Variants in MAST3 observed in about 807,000 individuals in gnomAD.
The protein encoded by MAST3 is microtubule-associated serine/threonine-protein kinase 3.
MAST3 carries 43 observed loss-of-function variants against 127.0 expected under a neutral mutation model. That is an observed-to-expected ratio of 0.34 (90% confidence interval 0.27 to 0.44). The LOEUF (loss-of-function observed/expected upper bound fraction) is 0.44. MAST3 is among the 20% of genes least tolerant of loss of function. MAST3 has a pLI of 1.00. For missense variants in MAST3, 1,390 were observed against 1,919.1 expected (o/e 0.72, Z 5.15); for synonymous variants, 785 against 809.2 (o/e 0.97, Z 0.51).
chr19:18,124,611 C>T, intron 10 of MAST3, 31 bp from the exon 11 acceptor site: 2 of 1,536,964 alleles, frequency 1.3e-6, no homozygotes, highest in Non-Finnish European at 1.8e-6. Flanking sequence ...TGGAACCAAG[C>T]CCTGGGTGAC....
chr19:18,124,854 C>G lies in MAST3; in HGVS notation c.1078+80C>G, dbSNP rs273487. On this transcript the variant is annotated intron_variant, in intron 11 of 27. Coordinates refer to ENST00000687212, the MANE Select transcript of MAST3 (RefSeq NM_001393504.1). ...GGCACGGTGGCTCACACCTTTAATA[C>G]CAGCACTTTGGGAAGCTAAGGCGGG... The G allele has an allele frequency of 0.015, 22,961 of 1,482,512 alleles. 2,762 individuals carry two copies. The African/African-American group carries it at 0.27, about 18-fold the overall frequency. 91.8% of individuals were successfully genotyped at this position (1,482,512 alleles called of 1,614,324 possible).
chr19:18,149,583 T>C lies in MAST3; in HGVS notation c.3901T>C (p.Phe1301Leu). 1 of 1,608,564 alleles carries C rather than the reference T, an allele frequency of 6.2e-7. No homozygotes were observed. The highest frequency in any genetic ancestry group is 8.5e-7 in the Non-Finnish European group (1 of 1,178,074). ...GCACCTGTCCGAGCGCCGAGACTCCTTCAAGAAGCAGGAGGCCGTGCAGGA... is the reference window on the plus strand; with the variant it reads ...GCACCTGTCCGAGCGCCGAGACTCCCTCAAGAAGCAGGAGGCCGTGCAGGA... ...RLHLSERRDS[F>L]KKQEAVQEVS... The change falls in exon 28 of 28, where the codon TTC (phenylalanine) becomes CTC (leucine). Residue 1301 changes from phenylalanine to leucine, a missense_variant. By Grantham distance (22) the Phe-to-Leu change is conservative. Around this residue, in one of 5 missense-constraint regions of MAST3, gnomAD observed 816 missense variants for 934.1 expected, o/e 0.87. Coordinates refer to ENST00000687212, the MANE Select transcript of MAST3 (RefSeq NM_001393504.1). This position sits in a 1 kb window ranked among gnomAD's most constrained non-coding sequence, Gnocchi z 5.9.
intron 15 of MAST3, among the ~76,000 whole-genome samples, chr19:18,133,416 G>A (rs1237869377): frequency 6.6e-6 from 1 of 152,094 alleles, no homozygotes; most frequent in Admixed American, 6.6e-5. Context: ...GACAGTCTTT[G>A]TCGCCCGGGC....
In MAST3 at chr19:18,143,898, G is replaced by C. The variant is rs757581883; in HGVS notation, c.2475G>C (p.Glu825Asp). ...MPKFAFSSEDEGVGPGPAGPK... is the reference protein window; with the variant it reads ...MPKFAFSSEDDGVGPGPAGPK... ...AGTTTGCCTTCTCATCAGAGGATGA[G>C]GGGGTAGGCCCAGGCCCTGCAGGCC... Residue 825 changes from glutamate to aspartate, a missense_variant, in exon 22 of 28, where the codon GAG becomes GAC. Coordinates refer to ENST00000687212, the MANE Select transcript of MAST3 (RefSeq NM_001393504.1). 2.5e-6 allele frequency: 4 copies of C among 1,613,720 alleles called. No individual in the cohort carries two copies. The African/African-American group carries it at 5.3e-5, about 22-fold the overall frequency.
chr19:18,116,506 G>T (rs1406380805), intron 3 of MAST3, among the ~76,000 whole-genome samples: 1 of 149,796 alleles, frequency 6.7e-6, no homozygotes, highest in Non-Finnish European at 1.5e-5. Context: ...TGTTGGCCAG[G>T]CTGGTCTCAA....
rs1005273655 is a variant in MAST3, at chr19:18,129,244, G to A, written c.1223+293G>A. ...GATGCCCACCCAGTGGGAGTAGCAC[G>A]CAGTGAGCTTTATTTAGGTGCTGCT... On this transcript the variant is annotated intron_variant, in intron 13 of 27. Coordinates refer to ENST00000687212, the MANE Select transcript of MAST3 (RefSeq NM_001393504.1). 1.7e-4 allele frequency: 72 copies of A among 421,362 alleles called. No homozygotes were observed. In the East Asian group the frequency reaches 2.8e-3, roughly 16 times the overall value. 26.1% of individuals were successfully genotyped at this position (421,362 alleles called of 1,614,324 possible).
At position 18,128,420 on chromosome 19, in the gene MAST3, C is replaced by T. The variant is rs1251194815; in HGVS notation, c.1099C>T (p.Leu367Phe). The T allele has an allele frequency of 6.4e-7, 1 of 1,555,686 alleles. No homozygotes were observed. ...TGCAGAGATGGTGCCACTGAGTCAC[C>T]TCGAAGAAGAACAGCCCCCAGCACC... ...PLEEMVPLSHLEEEQPPAPES... is the reference protein window; with the variant it reads ...PLEEMVPLSHFEEEQPPAPES... Residue 367 changes from leucine (L) to phenylalanine (F), a missense_variant, in exon 12 of 28, where the codon CTC becomes TTC. Leu to Phe is a conservative substitution (Grantham distance 22). Around this residue, in one of 5 missense-constraint regions of MAST3, gnomAD observed 277 missense variants for 384.8 expected, o/e 0.72. Transcript: ENST00000687212.
chr19:18,114,338 C>G (rs747597201), intron 3 of MAST3, among the ~76,000 whole-genome samples: 2 of 151,848 alleles, frequency 1.3e-5, no homozygotes, highest in Non-Finnish European at 2.9e-5. Flanking sequence ...TACAGACATG[C>G]GCCACCACGC....
Position 18,137,223 on chromosome 19 carries a change from C to T in MAST3, c.1973-16C>T, listed in dbSNP as rs368254046. 311 of 1,604,160 alleles carry T rather than the reference C, an allele frequency of 1.9e-4. No homozygotes were observed. Among genetic ancestry groups the T allele is most frequent in the Non-Finnish European group, 1.7e-4 (205 of 1,174,612 alleles). ...TGAGGTGAGGACCTGCAGGGCTCAG[C>T]GGGGCATATCTGCAGGTGGCACCCA... On this transcript the variant is annotated splice_polypyrimidine_tract_variant and intron_variant, in intron 18 of 27. Coordinates refer to ENST00000687212, the MANE Select transcript of MAST3 (RefSeq NM_001393504.1).
At chr19:18,140,216 C>A (rs1475678878) in intron 20 of MAST3, among the ~76,000 whole-genome samples, 3 of 111,312 alleles carry the variant, frequency 2.7e-5, no homozygotes, top group African/African-American at 1.1e-4. Context: ...CCTGTCTCTA[C>A]TAAAAATACA....
rs766160703 is a variant in MAST3 at position 18,147,578 on chromosome 19, C to G, written c.3462C>G (p.Pro1154=). 4 of 1,577,420 alleles carry G rather than the reference C, an allele frequency of 2.5e-6. No individual in the cohort carries two copies. Among genetic ancestry groups the G allele is most frequent in the East Asian group, 2.4e-5 (1 of 42,408 alleles). The change falls in exon 27 of 28, where the codon CCC becomes CCG. Residue 1154 remains proline (P), a synonymous_variant. Coordinates refer to ENST00000687212, the MANE Select transcript of MAST3 (RefSeq NM_001393504.1). ...GCTCGCCCACCCACAGCCTCTCCCC[C>G]AGCCCCACCACTCCCTGCCGAAGCC... The part of the protein sequence containing the change: ...LPGSPTHSLS[P]SPTTPCRSPA...
rs777488289 is a variant in MAST3, at chr19:18,123,383, C to A, written c.557+9C>A. On this transcript the variant is annotated intron_variant, in intron 7 of 27. Transcript: ENST00000687212. Reference sequence around the variant, plus strand: ...CGCTCTCGCAGTCTCAGGTGGGCCGCGACCTCTGGCCCCAGCCCCGGCCCC... The same window carrying A: ...CGCTCTCGCAGTCTCAGGTGGGCCGAGACCTCTGGCCCCAGCCCCGGCCCC... 1 of 1,606,666 alleles carries A rather than the reference C, an allele frequency of 6.2e-7. No homozygotes were observed. Among genetic ancestry groups the A allele is most frequent in the African/African-American group, 1.3e-5 (1 of 74,996 alleles).
rs897143857 is a variant in MAST3 at position 18,139,094 on chromosome 19, G to T, written c.2175G>T (p.Gln725His). Residue 725 changes from glutamine to histidine, a missense_variant, in exon 20 of 28, where the codon CAG (glutamine) becomes CAT (histidine). Coordinates refer to ENST00000687212, the MANE Select transcript of MAST3 (RefSeq NM_001393504.1). ...AAGAATCGTCCACAGAGATCCCCCA[G>T]TTCTCCTCCTGCTCCCACCGGTTCA... ...NDEESSTEIP[Q>H]FSSCSHRFSK... The T allele has an allele frequency of 1.2e-6, 2 of 1,603,830 alleles. No individual in the cohort carries two copies. Among genetic ancestry groups the T allele is most frequent in the Non-Finnish European group, 1.7e-6 (2 of 1,175,534 alleles).
At chr19:18,116,585 A>G (rs1346404934) in intron 3 of MAST3, among the ~76,000 whole-genome samples, 1 of 138,216 alleles carries the variant, frequency 7.2e-6, no homozygotes, top group East Asian at 2.7e-4. Context: ...GTGAGCCACC[A>G]CGCCCAGCCG....
At chr19:18,101,019 T>C (rs2037561931) in intron 1 of MAST3, among the ~76,000 whole-genome samples, 1 of 152,220 alleles carries the variant, frequency 6.6e-6, no homozygotes, top group African/African-American at 2.4e-5. Context: ...GCGACAGCCC[T>C]GGGTCCAGGG....
At position 18,134,806 on chromosome 19, in the gene MAST3, C is replaced by T; in HGVS notation, c.1705-11C>T. ...GGGCTGGCCTCAGTTTCCCCGTTCT[C>T]CCTGGCCCAGGTGTGTGGGACGCCG... On this transcript the variant is annotated splice_polypyrimidine_tract_variant and intron_variant, in intron 16 of 27. Coordinates refer to ENST00000687212, the MANE Select transcript of MAST3 (RefSeq NM_001393504.1). 2 of 1,613,962 alleles carry T rather than the reference C, an allele frequency of 1.2e-6. No individual in the cohort carries two copies. Among genetic ancestry groups the T allele is most frequent in the Non-Finnish European group, 1.7e-6 (2 of 1,179,866 alleles).
intron 2 of MAST3, among the ~76,000 whole-genome samples, chr19:18,109,083 C>T (rs1437060441): frequency 1.3e-5 from 2 of 152,026 alleles, no homozygotes; most frequent in Non-Finnish European, 2.9e-5. Flanking sequence ...GAGCTGGCAG[C>T]GGGGAAGTCT....
chr19:18,122,661 T>C lies in MAST3; in HGVS notation c.321-12T>C. 1 of 1,610,912 alleles carries C rather than the reference T, an allele frequency of 6.2e-7. No individual in the cohort carries two copies. The highest frequency in any genetic ancestry group is 8.5e-7 in the Non-Finnish European group (1 of 1,178,476). On this transcript the variant is annotated splice_polypyrimidine_tract_variant and intron_variant, in intron 5 of 27. Coordinates refer to ENST00000687212, the MANE Select transcript of MAST3 (RefSeq NM_001393504.1). ...AGGCCTTCCTTCCATCTGTTCTTGT[T>C]CCCCTCTCCAGGGCAGACGGCAGAA...
At chr19:18,121,104 C>T (rs1484308357) in intron 3 of MAST3, among the ~76,000 whole-genome samples, 1 of 152,040 alleles carries the variant, frequency 6.6e-6, no homozygotes, top group African/African-American at 2.4e-5. Context: ...GATCCGCATG[C>T]CTCGGCCTCC....
Sources: gnomAD v4.1 joint callset for allele counts (sites outside exome capture counted in the v4.1 genomes callset) on GRCh38, gnomAD v4.1.1 for gene constraint, gnomAD v4.1.1 regional missense constraint, Gnocchi (gnomAD v3.1) non-coding constraint, MANE v1.5 for transcripts, NCBI Gene and HGNC (gene_info 2026-07-23, HGNC 2026-07-21) for gene names.